The following TJP1 variants were observed in gnomAD, a reference collection of about 807,000 sequenced individuals.
TJP1 encodes the protein tight junction protein ZO-1.
A neutral mutation model predicts 194.2 loss-of-function variants in TJP1; 43 were observed. The observed-to-expected ratio is 0.22, with a 90% CI of 0.17 to 0.29. TJP1 has a LOEUF of 0.29. Ranked by LOEUF, TJP1 falls within the 10% of genes least tolerant of loss-of-function variation. The pLI is 1.00. For missense variants in TJP1, 1,971 were observed against 2,185.7 expected (o/e 0.90, Z 1.96); for synonymous variants, 801 against 779.0 (o/e 1.03, Z -0.47).
At chr15:29,725,563 A>G (rs529319249) in intron 18 of TJP1, among the ~76,000 whole-genome samples, 1 of 152,202 alleles carries the variant, frequency 6.6e-6, no homozygotes, top group East Asian at 1.9e-4. Context: ...GATCTGAAAA[A>G]GGTAAAAGAC....
At chr15:29,797,963 C>T (rs952922474) in intron 2 of TJP1, among the ~76,000 whole-genome samples, 2 of 152,136 alleles carry the variant, frequency 1.3e-5, no homozygotes, top group Admixed American at 6.6e-5. Context: ...ACTAAAACCA[C>T]GTGTGATACC....
At chr15:29,873,444 C>G (rs1341047680) in intron 2 of TJP1, among the ~76,000 whole-genome samples, 2 of 152,182 alleles carry the variant, frequency 1.3e-5, no homozygotes, top group Non-Finnish European at 2.9e-5. Flanking sequence ...CTCCTGCGGT[C>G]CCTACTCCCA....
chr15:29,840,569 G>T (rs2051188656), intron 2 of TJP1, among the ~76,000 whole-genome samples: 1 of 152,072 alleles, frequency 6.6e-6, no homozygotes, highest in African/African-American at 2.4e-5. Context: ...CTGAATCTTG[G>T]GCATGGATTC....
Position 29,786,779 on chromosome 15 carries a change from G to A in TJP1, c.85-13422C>T, listed in dbSNP as rs1285507646. Among the ~76,000 whole-genome samples, 3 of 152,306 alleles carry A rather than the reference G, an allele frequency of 2.0e-5. No homozygotes were observed. In the East Asian group the frequency reaches 5.8e-4, roughly 29 times the overall value. ...GGCCTCCCAAAGTACTGGAATTACAGGTGTGAGCCACTGTGCCAGCCACAT... is the reference window on the plus strand; with the variant it reads ...GGCCTCCCAAAGTACTGGAATTACAAGTGTGAGCCACTGTGCCAGCCACAT... On this transcript the variant is annotated intron_variant, in intron 2 of 27. Coordinates refer to ENST00000614355, the MANE Select transcript of TJP1 (RefSeq NM_001330239.4).
chr15:29,891,462 C>G (rs1426330887), intron 2 of TJP1, among the ~76,000 whole-genome samples: 1 of 152,202 alleles, frequency 6.6e-6, no homozygotes, highest in Non-Finnish European at 1.5e-5. Context: ...AGAGTTCAGG[C>G]AACCCTCATC....
intron 14 of TJP1, 46 bp downstream of exon 14, chr15:29,732,585 T>C: frequency 6.2e-7 from 1 of 1,612,922 alleles, no homozygotes; most frequent in Non-Finnish European, 8.5e-7. Context: ...TTCTTAAACA[T>C]ATTGACGTTA....
chr15:29,798,822 T>C (rs775967095), intron 2 of TJP1, among the ~76,000 whole-genome samples: 2 of 152,194 alleles, frequency 1.3e-5, no homozygotes, highest in African/African-American at 2.4e-5. Context: ...AATGCTACTA[T>C]GCAATAAGAG....
Position 29,719,817 on chromosome 15 carries a change from T to A in TJP1, c.2963A>T (p.Asp988Val). ...STEAAHIMLR[D>V]QEPSLSSHVD... ...ATGCGACGACAATGATGGTTCTTGA[T>A]CTCTTAGCATTATGTGAGCTGCCTC... is the stretch of plus-strand genomic sequence containing the variant. The change falls in exon 20 of 28, where the codon GAT becomes GTT. Residue 988 changes from aspartate (D) to valine (V), a missense_variant. Transcript: ENST00000614355. 6.2e-7 allele frequency: 1 copy of A among 1,614,142 alleles called. No homozygotes were observed. Among genetic ancestry groups the A allele is most frequent in the Non-Finnish European group, 8.5e-7 (1 of 1,180,014 alleles).
intron 1 of TJP1, among the ~76,000 whole-genome samples, chr15:29,801,939 G>T (rs114449278): frequency 6.6e-6 from 1 of 151,860 alleles, no homozygotes; most frequent in Non-Finnish European, 1.5e-5. Flanking sequence ...GAAAATTTAC[G>T]AATTTGTGTT....
Position 29,700,299 on chromosome 15 carries a change from T to C in TJP1, c.*1296A>G, listed in dbSNP as rs1210881497. 5.0e-6 allele frequency: 2 copies of C among 398,832 alleles called. No homozygotes were observed. The highest frequency in any genetic ancestry group is 2.1e-5 in the African/African-American group (1 of 48,626). 24.7% of individuals were successfully genotyped at this position (398,832 alleles called of 1,614,324 possible). A position where few individuals can be genotyped will look rare whatever the true frequency, so the allele number is the denominator to read the frequency against. ...TGCTGATGTGCCATAATAAATTGTC[T>C]ATTAGTAAAAAAATACACTTTAGGG... On this transcript the variant is annotated 3_prime_UTR_variant, in exon 28 of 28. Coordinates refer to ENST00000614355, the MANE Select transcript of TJP1 (RefSeq NM_001330239.4).
At chr15:29,793,755 A>G (rs1237410199) in intron 2 of TJP1, among the ~76,000 whole-genome samples, 2 of 152,170 alleles carry the variant, frequency 1.3e-5, no homozygotes, top group Non-Finnish European at 2.9e-5. Context: ...CTCCTCCAAC[A>G]CTGGGGATTA....
rs2044550262 is a variant in TJP1 at position 29,743,325 on chromosome 15, G to T, written c.1011-544C>A. 2.6e-5 allele frequency among the ~76,000 whole-genome samples: 4 copies of T among 152,190 alleles called. No individual in the cohort carries two copies. In the South Asian group the frequency reaches 8.3e-4, roughly 32 times the overall value. On this transcript the variant is annotated intron_variant, in intron 8 of 27. Transcript: ENST00000614355. ...TACTGGGCTGAACTAAATGAAATGG[G>T]AATTCTTTAGTTCAAACAGCTCGAT... is the stretch of plus-strand genomic sequence containing the variant.
intron 2 of TJP1, among the ~76,000 whole-genome samples, chr15:29,791,973 T>C (rs954244476): frequency 2.0e-5 from 3 of 151,432 alleles, no homozygotes; most frequent in African/African-American, 4.8e-5. Context: ...CATTTTTAAA[T>C]TGGATTTCTT....
At chr15:29,890,096 T>C (rs1176864494) in intron 2 of TJP1, among the ~76,000 whole-genome samples, 1 of 152,098 alleles carries the variant, frequency 6.6e-6, no homozygotes, top group Non-Finnish European at 1.5e-5. Flanking sequence ...CATGCCCCGA[T>C]CAGCAAAACA....
intron 1 of TJP1, among the ~76,000 whole-genome samples, chr15:29,806,298 T>G (rs191437268): frequency 1.8e-3 from 276 of 152,212 alleles, no homozygotes; most frequent in Non-Finnish European, 3.0e-3. Context: ...AAGCAGACAA[T>G]GAGGATACAT....
chr15:29,845,825 A>T (rs1430411313), intron 2 of TJP1, among the ~76,000 whole-genome samples: 2 of 152,164 alleles, frequency 1.3e-5, no homozygotes, highest in Non-Finnish European at 2.9e-5. Context: ...AAATTAAATT[A>T]AAAAGTTGTA....
chr15:29,772,272 C>T (rs1217599299), intron 3 of TJP1, 106 bp from the exon 4 acceptor site: 1 of 622,188 alleles, frequency 1.6e-6, no homozygotes, highest in Non-Finnish European at 2.7e-6. Flanking sequence ...TAATTATGAG[C>T]CAATTAATTA....
chr15:29,841,272 C>T (rs2051215316), intron 2 of TJP1, among the ~76,000 whole-genome samples: 1 of 152,114 alleles, frequency 6.6e-6, no homozygotes, highest in Admixed American at 6.5e-5. Context: ...TTTAGTTGGG[C>T]TAGGCTACGG....
In TJP1 at chr15:29,833,877, ATATATTTTT is replaced by A. The variant is rs1157035361; in HGVS notation, c.307-33184_307-33176del. On this transcript the variant is annotated intron_variant, in intron 2 of 28. Coordinates refer to the TJP1 transcript ENST00000356107. ...TGTAAGTATATATATATATATATAT[ATATATTTTT>A]TTTTTTTTTTTTTTTGAGACGGAGT... 7.6e-3 allele frequency among the ~76,000 whole-genome samples: 109 copies of A among 14,430 alleles called. 1 individual carries two copies. The highest frequency in any genetic ancestry group is 0.024 in the African/African-American group (107 of 4,550). 9.5% of individuals were successfully genotyped at this position (14,430 alleles called of 152,430 possible).
Sources: gnomAD v4.1 joint callset for allele counts (sites outside exome capture counted in the v4.1 genomes callset) on GRCh38, gnomAD v4.1.1 for gene constraint, MANE v1.5 for transcripts, NCBI Gene and HGNC (gene_info 2026-07-23, HGNC 2026-07-21) for gene names.